SUCLG2: variants seen among roughly 807,000 people sequenced by gnomAD.
SUCLG2 encodes succinate-CoA ligase GDP-forming subunit beta.
Under a neutral mutation model 47.9 loss-of-function variants are expected in SUCLG2, and 42 were observed. That is an observed-to-expected ratio of 0.88 (90% CI 0.69 to 1.14). SUCLG2 has a LOEUF of 1.14. SUCLG2 is among the 50% of genes most tolerant of loss of function. The pLI is 0.00. For synonymous variants in SUCLG2, 195 were observed against 197.3 expected (o/e 0.99, Z 0.10); for missense variants, 571 against 525.9 (o/e 1.09, Z -0.84).
Position 67,570,920 on chromosome 3 carries a change from G to T in SUCLG2, c.226+38535C>A, listed in dbSNP as rs571182151. ...TTTTAGCAAACTGTTGAAACTGAGG[G>T]TGTTTTGGGGAAACCTCACACTTGC... is the stretch of plus-strand genomic sequence containing the variant. On this transcript the variant is annotated intron_variant, in intron 2 of 10. Coordinates refer to ENST00000307227, the MANE Select transcript of SUCLG2 (RefSeq NM_003848.4). 3.3e-5 allele frequency among the ~76,000 whole-genome samples: 5 copies of T among 152,270 alleles called. No homozygotes were observed. The South Asian group carries it at 8.3e-4, about 25-fold the overall frequency.
At chr3:67,468,850 C>G (rs552590670) in intron 9 of SUCLG2, among the ~76,000 whole-genome samples, 1 of 152,238 alleles carries the variant, frequency 6.6e-6, no homozygotes, top group African/African-American at 2.4e-5. Context: ...ATAACGGAAA[C>G]AGAGCTGAAT....
At chr3:67,397,656 T>C (rs1702577233) in intron 10 of SUCLG2, among the ~76,000 whole-genome samples, 1 of 152,038 alleles carries the variant, frequency 6.6e-6, no homozygotes. Flanking sequence ...CTTCACAGAA[T>C]TGGAAAAAAC....
At chr3:67,599,712 C>G (rs1290068503) in intron 2 of SUCLG2, among the ~76,000 whole-genome samples, 1 of 126,650 alleles carries the variant, frequency 7.9e-6, no homozygotes, top group Non-Finnish European at 1.7e-5. Context: ...AAATAAAAGC[C>G]TGAAGACAAA....
chr3:67,500,389 C>G (rs1009632459), intron 7 of SUCLG2, among the ~76,000 whole-genome samples: 1 of 152,196 alleles, frequency 6.6e-6, no homozygotes, highest in Non-Finnish European at 1.5e-5. Flanking sequence ...CCGCACATGA[C>G]TTAAAGTAGC....
rs537166258 is a variant in SUCLG2 at position 67,399,766 on chromosome 3, T to C, written c.1183+965A>G. On this transcript the variant is annotated intron_variant, in intron 10 of 10. Transcript: ENST00000307227. ...CACAGACCAATGGGTTTTAATGGAA[T>C]ATGAAAAGTTCATCGAGATAGTTCC... Among the ~76,000 whole-genome samples the C allele has an allele frequency of 5.3e-5, 8 of 152,312 alleles. No individual in the cohort carries two copies. The East Asian group carries it at 1.5e-3, about 29-fold the overall frequency.
intron 8 of SUCLG2, among the ~76,000 whole-genome samples, chr3:67,496,799 GA>G (rs769286886): frequency 1.2e-4 from 18 of 146,900 alleles, no homozygotes; most frequent in South Asian, 8.5e-4. Context: ...CCTTGAGAGA[GA>G]AAAAAAAAAC....
At chr3:67,388,922 A>T (rs1235757023) in intron 10 of SUCLG2, among the ~76,000 whole-genome samples, 1 of 152,156 alleles carries the variant, frequency 6.6e-6, no homozygotes, top group Non-Finnish European at 1.5e-5. Context: ...GAGGATCAGA[A>T]GTCAGTCATC....
intron 7 of SUCLG2, among the ~76,000 whole-genome samples, chr3:67,507,034 C>A (rs1179949092): frequency 6.6e-6 from 1 of 152,132 alleles, no homozygotes; most frequent in South Asian, 2.1e-4. Flanking sequence ...TCTCAATCCT[C>A]TATAAAATGG....
rs147103711 is a variant in SUCLG2 at position 67,367,040 on chromosome 3, C to T, written c.1184-6272G>A. Among the ~76,000 whole-genome samples, 945 of 152,208 alleles carry T rather than the reference C, an allele frequency of 6.2e-3. 8 individuals carry two copies. The highest frequency in any genetic ancestry group is 0.017 in the Middle Eastern group (5 of 294). The stretch of plus-strand genomic sequence containing the variant: ...ATGAAAAAGTCATCAATAATTACAA[C>T]GCATATTATAGAAAAAATTAAGTTC... On this transcript the variant is annotated intron_variant, in intron 10 of 10. Transcript: ENST00000493112.
chr3:67,457,186 T>C (rs999684155), intron 9 of SUCLG2, among the ~76,000 whole-genome samples: 5 of 152,190 alleles, frequency 3.3e-5, no homozygotes, highest in Non-Finnish European at 7.4e-5. Flanking sequence ...GTGCTGCTAA[T>C]GGTTAAGACC....
At chr3:67,583,394 C>T (rs567139650) in intron 2 of SUCLG2, among the ~76,000 whole-genome samples, 1 of 152,322 alleles carries the variant, frequency 6.6e-6, no homozygotes, top group South Asian at 2.1e-4. Flanking sequence ...TTTAAAATAT[C>T]ATGTCACCTT....
intron 1 of SUCLG2, among the ~76,000 whole-genome samples, chr3:67,611,349 A>T (rs1357663596): frequency 6.6e-6 from 1 of 152,222 alleles, no homozygotes; most frequent in Non-Finnish European, 1.5e-5. Context: ...CATTTACCGT[A>T]TATTATTTTT....
At chr3:67,487,873 T>C (rs1459128918) in intron 9 of SUCLG2, among the ~76,000 whole-genome samples, 1 of 152,120 alleles carries the variant, frequency 6.6e-6, no homozygotes, top group Non-Finnish European at 1.5e-5. Context: ...TGTAAAGTTA[T>C]GAGAACAAGG....
At chr3:67,596,844 T>G (rs969262852) in intron 2 of SUCLG2, among the ~76,000 whole-genome samples, 8 of 152,204 alleles carry the variant, frequency 5.3e-5, no homozygotes, top group African/African-American at 1.9e-4. Context: ...TGTCTAATAC[T>G]GAGCAATACT....
At chr3:67,620,942 A>C (rs1700726154) in intron 1 of SUCLG2, among the ~76,000 whole-genome samples, 1 of 152,270 alleles carries the variant, frequency 6.6e-6, no homozygotes, top group Non-Finnish European at 1.5e-5. Flanking sequence ...TGAGAAGATC[A>C]AATTCACGTT....
chr3:67,610,180 T>C (rs1380056813), intron 1 of SUCLG2, among the ~76,000 whole-genome samples: 1 of 152,210 alleles, frequency 6.6e-6, no homozygotes, highest in East Asian at 1.9e-4. Flanking sequence ...ACAGACTAAT[T>C]CATTTCTTTA....
chr3:67,391,676 T>A (rs935573816), intron 10 of SUCLG2, among the ~76,000 whole-genome samples: 1 of 152,120 alleles, frequency 6.6e-6, no homozygotes, highest in Non-Finnish European at 1.5e-5. Context: ...CAAGATTTGC[T>A]GCTAACACCC....
rs920384720 is a variant in SUCLG2 at position 67,403,888 on chromosome 3, T to C, written c.1063-3037A>G. Among the ~76,000 whole-genome samples, 7 of 150,338 alleles carry C rather than the reference T, an allele frequency of 4.7e-5. No individual in the cohort carries two copies. In the Admixed American group the frequency reaches 4.7e-4, roughly 10 times the overall value. ...TCCTCTTATTTCTTCCTTTTTAGTTTATTTATTTATTTTTTGAGACACGTT... is the reference window on the plus strand; with the variant it reads ...TCCTCTTATTTCTTCCTTTTTAGTTCATTTATTTATTTTTTGAGACACGTT... On this transcript the variant is annotated intron_variant, in intron 9 of 10. Transcript: ENST00000307227.
chr3:67,588,505 T>C (rs1218891689), intron 2 of SUCLG2, among the ~76,000 whole-genome samples: 1 of 152,182 alleles, frequency 6.6e-6, no homozygotes, highest in Non-Finnish European at 1.5e-5. Context: ...ACAACATTAG[T>C]GTCACACATC....
Sources: gnomAD v4.1 joint callset for allele counts (sites outside exome capture counted in the v4.1 genomes callset) on GRCh38, gnomAD v4.1.1 for gene constraint, MANE v1.5 for transcripts, NCBI Gene and HGNC (gene_info 2026-07-23, HGNC 2026-07-21) for gene names.